DHH: variants seen among roughly 807,000 people sequenced by gnomAD.
DHH encodes desert hedgehog signaling molecule.
Under a neutral mutation model 27.6 loss-of-function variants are expected in DHH, and 16 were observed. That is an observed-to-expected ratio of 0.58 (90% CI 0.39 to 0.88). The LOEUF (loss-of-function observed/expected upper bound fraction) is 0.88. DHH is among the 40% of genes least tolerant of loss of function. The pLI, the probability that DHH is intolerant of heterozygous loss-of-function variation, is 0.00. For synonymous variants in DHH, 289 were observed against 263.4 expected (o/e 1.10, Z -0.94); for missense variants, 436 against 563.1 (o/e 0.77, Z 2.28).
rs559639408 is a variant in DHH, at chr12:49,090,953, TG to T, written c.565+174del. On this transcript the variant is annotated intron_variant, in intron 2 of 2. Transcript: ENST00000649637. The surrounding 1 kb of genome is among the most constrained non-coding windows in gnomAD (Gnocchi z 5.2). ...CTGACCTCAAGTGATCCGCCCTCCT[TG>T]GCCTCCCAAAGTGCTGGGATTAGAG... 1.2e-3 allele frequency among the ~76,000 whole-genome samples: 184 copies of T among 152,282 alleles called. No homozygotes were observed. The highest frequency in any genetic ancestry group is 3.7e-3 in the African/African-American group (153 of 41,556).
intron 1 of DHH, among the ~76,000 whole-genome samples, chr12:49,093,771 G>T (rs914361196): frequency 2.0e-5 from 3 of 152,146 alleles, no homozygotes; most frequent in African/African-American, 7.2e-5. Flanking sequence ...GCCCTTTTCA[G>T]TCTCTTCTTT....
In DHH at chr12:49,090,045, C is replaced by T; in HGVS notation, c.1005G>A (p.Leu335=). The T allele has an allele frequency of 6.5e-7, 1 of 1,545,228 alleles. No homozygotes were observed. Among genetic ancestry groups the T allele is most frequent in the Non-Finnish European group, 8.7e-7 (1 of 1,146,488 alleles). ...FAPLTAHGTL[L]VNDVLASCYA... ...AGCAAGAGGCCAGGACATCGTTCAC[C>T]AGCAGCGTCCCGTGCGCGGTGAGCG... Residue 335 remains leucine, a synonymous_variant, in exon 3 of 3, where the codon CTG becomes CTA. Coordinates refer to ENST00000649637, the MANE Select transcript of DHH (RefSeq NM_021044.4). The surrounding 1 kb of genome is among the most constrained non-coding windows in gnomAD (Gnocchi z 5.2).
chr12:49,092,062 C>T (rs1253034308), intron 1 of DHH: 1 of 153,076 alleles, frequency 6.5e-6, no homozygotes, highest in Non-Finnish European at 1.5e-5. Context: ...GCCGGGAACG[C>T]GCTGGGAGAA....
In DHH at chr12:49,090,018, G is replaced by T. The variant is rs368687504; in HGVS notation, c.1032C>A (p.Tyr344Ter). 3 of 1,557,950 alleles carry T rather than the reference G, an allele frequency of 1.9e-6. No individual in the cohort carries two copies. The highest frequency in any genetic ancestry group is 2.6e-6 in the Non-Finnish European group (3 of 1,152,626). Residue 344 changes from tyrosine (Y) to a stop codon, truncating the protein, a stop_gained, in exon 3 of 3, where the codon TAC (tyrosine) becomes TAA (stop). Coordinates refer to ENST00000649637, the MANE Select transcript of DHH (RefSeq NM_021044.4). LOFTEE classifies it high-confidence loss of function. The surrounding 1 kb of genome is among the most constrained non-coding windows in gnomAD (Gnocchi z 5.2). ...LLVNDVLASCYAVLESHQWAH... is the reference protein window; with the variant it reads ...LLVNDVLASC The stretch of plus-strand genomic sequence containing the variant: ...CCCACTGGTGACTCTCCAGAACCGC[G>T]TAGCAAGAGGCCAGGACATCGTTCA...
rs1372971971 is a variant in DHH at position 49,088,648 on chromosome 12, G to A, written c.*1211C>T. Among the ~76,000 whole-genome samples, 3 of 152,102 alleles carry A rather than the reference G, an allele frequency of 2.0e-5. No individual in the cohort carries two copies. The highest frequency in any genetic ancestry group is 2.9e-5 in the Non-Finnish European group (2 of 68,008). The stretch of plus-strand genomic sequence containing the variant: ...CCTGCCTGGATTCCAGGTGTCTACT[G>A]CGTTGGAACCTAAAGGTTCCAAAAA... On this transcript the variant is annotated 3_prime_UTR_variant, in exon 3 of 3. Coordinates refer to ENST00000649637, the MANE Select transcript of DHH (RefSeq NM_021044.4).
Position 49,088,650 on chromosome 12 carries a change from G to A in DHH, c.*1209C>T, listed in dbSNP as rs1309895942. Among the ~76,000 whole-genome samples the A allele has an allele frequency of 3.9e-5, 6 of 152,122 alleles. No individual in the cohort carries two copies. The highest frequency in any genetic ancestry group is 2.0e-4 in the Admixed American group (3 of 15,268). On this transcript the variant is annotated 3_prime_UTR_variant, in exon 3 of 3. Transcript: ENST00000649637. The stretch of plus-strand genomic sequence containing the variant: ...TGCCTGGATTCCAGGTGTCTACTGC[G>A]TTGGAACCTAAAGGTTCCAAAAACA...
rs1363432085 is a variant in DHH at position 49,094,455 on chromosome 12, C to A, written c.58G>T (p.Ala20Ser). ...CCCCGGCCCGGCCCGCAGCTCTGGG[C>A]TGGCAGCGCCAGAAGTGCCAAGCAG... Reference protein sequence around the residue: ...LCCLALLALPAQSCGPGRGPV... With the variant: ...LCCLALLALPSQSCGPGRGPV... Residue 20 changes from alanine to serine, a missense_variant, in exon 1 of 3, where the codon GCC becomes TCC. Ala to Ser is a moderately conservative substitution (Grantham distance 99). Coordinates refer to ENST00000649637, the MANE Select transcript of DHH (RefSeq NM_021044.4). The A allele has an allele frequency of 6.3e-7, 1 of 1,592,352 alleles. No individual in the cohort carries two copies. The highest frequency in any genetic ancestry group is 2.3e-5 in the East Asian group (1 of 43,556).
At position 49,087,815 on chromosome 12, in the gene DHH, C is replaced by A. The variant is rs941819186; in HGVS notation, c.*2044G>T. ...AATTCATTTATCGGATTAGTCATCA[C>A]CTGTGGTGACATGACAGGAAGGCAC... On this transcript the variant is annotated 3_prime_UTR_variant, in exon 3 of 3. Coordinates refer to ENST00000649637, the MANE Select transcript of DHH (RefSeq NM_021044.4). 1.3e-5 allele frequency among the ~76,000 whole-genome samples: 2 copies of A among 152,158 alleles called. No homozygotes were observed. Among genetic ancestry groups the A allele is most frequent in the East Asian group, 3.8e-4 (2 of 5,198 alleles).
chr12:49,094,132 A>T (rs1939352404), intron 1 of DHH, 78 bp downstream of exon 1: 8 of 1,512,700 alleles, frequency 5.3e-6, no homozygotes, highest in Admixed American at 1.7e-5. Context: ...GTGAAGCTGG[A>T]CTCACCCACC....
Position 49,089,929 on chromosome 12 carries a change from G to T in DHH, c.1121C>A (p.Ala374Asp). 6.3e-7 allele frequency: 1 copy of T among 1,586,242 alleles called. No individual in the cohort carries two copies. The highest frequency in any genetic ancestry group is 8.6e-7 in the Non-Finnish European group (1 of 1,167,216). Reference sequence around the variant, plus strand: ...CCAATGCATGCCAGTCGGCTGGACGGCCCCGCCGGGGAGCAGCGCCCCTAG... The same window carrying T: ...CCAATGCATGCCAGTCGGCTGGACGTCCCCGCCGGGGAGCAGCGCCCCTAG... The part of the protein sequence containing the change: ...HALGALLPGG[A>D]VQPTGMHWYS... The change falls in exon 3 of 3, where the codon GCC becomes GAC. Residue 374 changes from alanine (A) to aspartate (D), a missense_variant. By Grantham distance (126) the Ala-to-Asp change is moderately radical (BLOSUM62 -2). Transcript: ENST00000649637.
Position 49,087,684 on chromosome 12 carries a change from C to T in DHH, c.*2175G>A, listed in dbSNP as rs893949744. ...CACCACTGCACTCCAGCGTGGGCAACAGAGCGAGATCCTGTCTCTTTAAAA... is the reference window on the plus strand; with the variant it reads ...CACCACTGCACTCCAGCGTGGGCAATAGAGCGAGATCCTGTCTCTTTAAAA... On this transcript the variant is annotated 3_prime_UTR_variant, in exon 3 of 3. Coordinates refer to ENST00000649637, the MANE Select transcript of DHH (RefSeq NM_021044.4). Among the ~76,000 whole-genome samples, 1 of 152,168 alleles carries T rather than the reference C, an allele frequency of 6.6e-6. No individual in the cohort carries two copies. Among genetic ancestry groups the T allele is most frequent in the Non-Finnish European group, 1.5e-5 (1 of 68,028 alleles).
Position 49,089,783 on chromosome 12 carries a change from G to T in DHH, c.*76C>A. ...CCCTCCCTTCCAGTCGGCATCGTCTGCTGCCCACAGCCCCATATCTCAGCC... is the reference window on the plus strand; with the variant it reads ...CCCTCCCTTCCAGTCGGCATCGTCTTCTGCCCACAGCCCCATATCTCAGCC... On this transcript the variant is annotated 3_prime_UTR_variant, in exon 3 of 3. Transcript: ENST00000649637. The T allele has an allele frequency of 7.1e-7, 1 of 1,416,078 alleles. No individual in the cohort carries two copies. 87.7% of individuals were successfully genotyped at this position (1,416,078 alleles called of 1,614,324 possible).
chr12:49,091,465 C>G lies in DHH; in HGVS notation c.304-76G>C. On this transcript the variant is annotated intron_variant, in intron 1 of 2. Transcript: ENST00000649637. This position sits in a 1 kb window ranked among gnomAD's most constrained non-coding sequence, Gnocchi z 4.8. ...AGGGACCTGGATAGGAGGGTTGATTCTTTGTTATTCCGGCCCTACTCTTAC... is the reference window on the plus strand; with the variant it reads ...AGGGACCTGGATAGGAGGGTTGATTGTTTGTTATTCCGGCCCTACTCTTAC... 1 of 1,579,012 alleles carries G rather than the reference C, an allele frequency of 6.3e-7. No individual in the cohort carries two copies. Among genetic ancestry groups the G allele is most frequent in the Non-Finnish European group, 8.6e-7 (1 of 1,165,284 alleles).
rs1939234624 is a variant in DHH at position 49,087,991 on chromosome 12, AC to A, written c.*1867del. On this transcript the variant is annotated 3_prime_UTR_variant, in exon 3 of 3. Coordinates refer to ENST00000649637, the MANE Select transcript of DHH (RefSeq NM_021044.4). ...GTGGGTGGAAGGACACCAAAGGTAA[AC>A]TTGACCTGCTTCCAAATATTGCCTT... Among the ~76,000 whole-genome samples, 1 of 152,146 alleles carries A rather than the reference AC, an allele frequency of 6.6e-6. No homozygotes were observed. Among genetic ancestry groups the A allele is most frequent in the South Asian group, 2.1e-4 (1 of 4,834 alleles).
At chr12:49,093,347 G>A (rs985349969) in intron 1 of DHH, 1 of 152,160 alleles carries the variant, frequency 6.6e-6, no homozygotes, top group African/African-American at 2.4e-5. Context: ...TTGAGCTCAG[G>A]AGTTCAAGAC....
At chr12:49,093,414 C>T (rs949736503) in intron 1 of DHH, 4 of 152,058 alleles carry the variant, frequency 2.6e-5, no homozygotes, top group African/African-American at 4.8e-5. Flanking sequence ...ATAAATCACT[C>T]GCCAGAGGTG....
rs1197050933 is a variant in DHH at position 49,090,538 on chromosome 12, A to T, written c.566-54T>A. 3 of 1,584,248 alleles carry T rather than the reference A, an allele frequency of 1.9e-6. No homozygotes were observed. Among genetic ancestry groups the T allele is most frequent in the Non-Finnish European group, 2.6e-6 (3 of 1,174,152 alleles). On this transcript the variant is annotated intron_variant, in intron 2 of 2. Transcript: ENST00000649637. The surrounding 1 kb of genome is among the most constrained non-coding windows in gnomAD (Gnocchi z 5.2). ...AATCAAGACCAGCGGTTCCAGAACGATTCTCAAGGCCAGCGCAGATATCGC... is the reference window on the plus strand; with the variant it reads ...AATCAAGACCAGCGGTTCCAGAACGTTTCTCAAGGCCAGCGCAGATATCGC...
In DHH at chr12:49,091,230, C is replaced by G; in HGVS notation, c.463G>C (p.Asp155His). The G allele has an allele frequency of 6.2e-7, 1 of 1,614,222 alleles. No individual in the cohort carries two copies. The highest frequency in any genetic ancestry group is 8.5e-7 in the Non-Finnish European group (1 of 1,180,042). The part of the protein sequence containing the change: ...RALDITTSDR[D>H]RNKYGLLARL... ...GCCAGCAACCCATACTTGTTGCGGTCGCGGTCAGACGTAGTGATGTCCAAA... is the reference window on the plus strand; with the variant it reads ...GCCAGCAACCCATACTTGTTGCGGTGGCGGTCAGACGTAGTGATGTCCAAA... Residue 155 changes from aspartate to histidine, a missense_variant, in exon 2 of 3, where the codon GAC becomes CAC. Transcript: ENST00000649637. This position sits in a 1 kb window ranked among gnomAD's most constrained non-coding sequence, Gnocchi z 4.8.
rs1408707793 is a variant in DHH, at chr12:49,090,627, G to A, written c.566-143C>T. On this transcript the variant is annotated intron_variant, in intron 2 of 2. Transcript: ENST00000649637. This position sits in a 1 kb window ranked among gnomAD's most constrained non-coding sequence, Gnocchi z 5.2. ...CCCCAACCTGGGCAGAAAAGGAAGG[G>A]CGGTTTTTCTTTCTTTTCTTTTCCT... 1.8e-6 allele frequency: 2 copies of A among 1,136,478 alleles called. No individual in the cohort carries two copies. The highest frequency in any genetic ancestry group is 2.6e-5 in the East Asian group (1 of 38,768). 70.4% of individuals were successfully genotyped at this position (1,136,478 alleles called of 1,614,324 possible).
Sources: allele counts gnomAD v4.1 joint callset (sites outside exome capture counted in the v4.1 genomes callset), GRCh38; gene constraint gnomAD v4.1.1; non-coding constraint Gnocchi (gnomAD v3.1); transcripts MANE v1.5; gene names NCBI Gene and HGNC (gene_info 2026-07-23, HGNC 2026-07-21).